Variants in PMEPA1 observed in about 807,000 individuals in gnomAD.
The protein encoded by PMEPA1 is protein TMEPAI.
A neutral mutation model predicts 23.0 loss-of-function variants in PMEPA1; 11 were observed. That is an observed-to-expected ratio of 0.48 (90% CI 0.30 to 0.79). The LOEUF is 0.79. Among genes scored for constraint, PMEPA1 ranks in the 30% least tolerant of loss-of-function variants. The pLI is 0.06. For missense variants in PMEPA1, 377 were observed against 390.9 expected (o/e 0.96, Z 0.30); for synonymous variants, 204 against 166.4 (o/e 1.23, Z -1.74).
chr20:57,699,958 A>G, intron 1 of PMEPA1: 1 of 456,436 alleles, frequency 2.2e-6, no homozygotes, highest in Middle Eastern at 3.3e-4. Flanking sequence ...TCATACATAA[A>G]ATACAAATGT....
chr20:57,710,268 C>T (rs1022729697), upstream of PMEPA1: 47 of 614,172 alleles, frequency 7.7e-5, no homozygotes, highest in African/African-American at 8.4e-4. Flanking sequence ...GGCGCACGCC[C>T]GGGGCCGGGG....
chr20:57,693,863 C>A lies in PMEPA1; in HGVS notation c.109+15611G>T, dbSNP rs1052215955. On this transcript the variant is annotated intron_variant, in intron 1 of 3. Transcript: ENST00000341744. ...CTTGTGAGGAGGTGTTGGGTGGTGACGGGGCACCAAGGAAGTACTCAGTGA... is the reference window on the plus strand; with the variant it reads ...CTTGTGAGGAGGTGTTGGGTGGTGAAGGGGCACCAAGGAAGTACTCAGTGA... 2.0e-5 allele frequency among the ~76,000 whole-genome samples: 3 copies of A among 152,286 alleles called. No homozygotes were observed. The South Asian group carries it at 6.2e-4, about 32-fold the overall frequency.
chr20:57,652,976 C>T lies in PMEPA1; in HGVS notation c.318+57G>A. 2.1e-6 allele frequency: 3 copies of T among 1,426,346 alleles called. No individual in the cohort carries two copies. Among genetic ancestry groups the T allele is most frequent in the African/African-American group, 1.4e-5 (1 of 71,334 alleles). The allele number at this position is 1,426,346 out of a possible 1,614,324, so 88.4% of individuals were successfully genotyped here. On this transcript the variant is annotated intron_variant, in intron 3 of 3. Coordinates refer to ENST00000341744, the MANE Select transcript of PMEPA1 (RefSeq NM_020182.5). The surrounding 1 kb of genome is among the most constrained non-coding windows in gnomAD (Gnocchi z 6.1). ...GCAGCCCACACTGTTCCAGCCGCAG[C>T]GGGAGCAGCCCAGGGTGGGATGGGG...
chr20:57,691,325 C>T (rs1306621317), intron 1 of PMEPA1, among the ~76,000 whole-genome samples: 3 of 152,220 alleles, frequency 2.0e-5, no homozygotes, highest in African/African-American at 7.2e-5. Context: ...GAGCCTCCTT[C>T]TCCCCAACTC....
Position 57,651,792 on chromosome 20 carries a change from T to G in PMEPA1, c.*261A>C, listed in dbSNP as rs966615049. 1.2e-5 allele frequency: 4 copies of G among 329,776 alleles called. No homozygotes were observed. Among genetic ancestry groups the G allele is most frequent in the African/African-American group, 6.3e-5 (3 of 47,290 alleles). The allele number at this position is 329,776 out of a possible 1,614,324, so 20.4% of individuals were successfully genotyped here. ...AACAAGAAAGACTACTGTAGAAATTTTTTTTCTTTTGCCTTCAAGACACAG... is the reference window on the plus strand; with the variant it reads ...AACAAGAAAGACTACTGTAGAAATTGTTTTTCTTTTGCCTTCAAGACACAG... On this transcript the variant is annotated 3_prime_UTR_variant, in exon 4 of 4. Coordinates refer to ENST00000341744, the MANE Select transcript of PMEPA1 (RefSeq NM_020182.5).
At chr20:57,665,307 C>T (rs958965816) in intron 1 of PMEPA1, among the ~76,000 whole-genome samples, 4 of 152,214 alleles carry the variant, frequency 2.6e-5, no homozygotes, top group African/African-American at 7.2e-5. Flanking sequence ...AGCCCAGAGC[C>T]GCCATATAGG....
chr20:57,656,455 G>A lies in PMEPA1; in HGVS notation c.264+3088C>T, dbSNP rs1281789205. On this transcript the variant is annotated intron_variant, in intron 2 of 3. Transcript: ENST00000341744. The surrounding 1 kb of genome is among the most constrained non-coding windows in gnomAD (Gnocchi z 4.7). ...CATCCAAGGCCTGAGTTCCTAGTCTGAGCAGGCCTTGGGCACAAAGACTGG... is the reference window on the plus strand; with the variant it reads ...CATCCAAGGCCTGAGTTCCTAGTCTAAGCAGGCCTTGGGCACAAAGACTGG... 6.6e-6 allele frequency among the ~76,000 whole-genome samples: 1 copy of A among 152,030 alleles called. No homozygotes were observed. Among genetic ancestry groups the A allele is most frequent in the Non-Finnish European group, 1.5e-5 (1 of 67,992 alleles).
At chr20:57,661,236 C>T (rs923533122) in intron 1 of PMEPA1, among the ~76,000 whole-genome samples, 46 of 152,222 alleles carry the variant, frequency 3.0e-4, no homozygotes, top group African/African-American at 1.0e-3. Flanking sequence ...CTGCCTGAGC[C>T]GGGCAGTTTC....
rs913847940 is a variant in PMEPA1 at position 57,682,988 on chromosome 20, A to G, written c.110-23291T>C. 6.6e-6 allele frequency among the ~76,000 whole-genome samples: 1 copy of G among 152,134 alleles called. No individual in the cohort carries two copies. The highest frequency in any genetic ancestry group is 6.5e-5 in the Admixed American group (1 of 15,278). ...CTTCTCCAACTCTTCAGAAAAGGAG[A>G]AGAAGAAGAAAAAAGAGTCCAAGCC... is the stretch of plus-strand genomic sequence containing the variant. On this transcript the variant is annotated intron_variant, in intron 1 of 3. Transcript: ENST00000341744. This position sits in a 1 kb window ranked among gnomAD's most constrained non-coding sequence, Gnocchi z 4.4.
intron 1 of PMEPA1, among the ~76,000 whole-genome samples, chr20:57,676,437 C>A (rs1164399145): frequency 3.3e-5 from 5 of 152,286 alleles, no homozygotes; most frequent in African/African-American, 1.2e-4. Flanking sequence ...GCATGCTGAC[C>A]GGGCAAGCAT....
At chr20:57,708,718 T>C (rs1007582077) in intron 1 of PMEPA1, among the ~76,000 whole-genome samples, 2 of 152,000 alleles carry the variant, frequency 1.3e-5, no homozygotes, top group African/African-American at 4.8e-5. Context: ...AGATCCACGC[T>C]GGGCCAGACG....
intron 1 of PMEPA1, among the ~76,000 whole-genome samples, chr20:57,685,194 G>A (rs570507190): frequency 1.3e-5 from 2 of 152,102 alleles, no homozygotes; most frequent in African/African-American, 4.8e-5. Flanking sequence ...GCTGCAAGCC[G>A]CAGTCACTCT....
At chr20:57,678,533 C>T (rs941209849) in intron 1 of PMEPA1, among the ~76,000 whole-genome samples, 2 of 152,124 alleles carry the variant, frequency 1.3e-5, no homozygotes, top group African/African-American at 2.4e-5. Flanking sequence ...GGGTAAGAGC[C>T]GAAACAGAAG....
rs1447259432 is a variant in PMEPA1, at chr20:57,704,291, C to A, written c.109+5183G>T. Among the ~76,000 whole-genome samples, 2 of 152,280 alleles carry A rather than the reference C, an allele frequency of 1.3e-5. No individual in the cohort carries two copies. The highest frequency in any genetic ancestry group is 3.9e-4 in the East Asian group (2 of 5,170). On this transcript the variant is annotated intron_variant, in intron 1 of 3. Coordinates refer to ENST00000341744, the MANE Select transcript of PMEPA1 (RefSeq NM_020182.5). This position sits in a 1 kb window ranked among gnomAD's most constrained non-coding sequence, Gnocchi z 4.6. ...GGTTCCCTGGAGCCCACCCCAAAGA[C>A]AACTGAGTTTGCTTCCCTGAACCAT...
In PMEPA1 at chr20:57,652,015, T is replaced by C. The variant is rs2071238427; in HGVS notation, c.*38A>G. On this transcript the variant is annotated 3_prime_UTR_variant, in exon 4 of 4. Coordinates refer to ENST00000341744, the MANE Select transcript of PMEPA1 (RefSeq NM_020182.5). The surrounding 1 kb of genome is among the most constrained non-coding windows in gnomAD (Gnocchi z 6.1). ...TAAGAAGCGCGGAGTGTTCTGCCTT[T>C]TCACCTACGCAGCCCCAGCCCGGCC... The C allele has an allele frequency of 1.4e-6, 2 of 1,442,124 alleles. No individual in the cohort carries two copies. The highest frequency in any genetic ancestry group is 2.5e-5 in the East Asian group (1 of 39,792). 89.3% of individuals were successfully genotyped at this position (1,442,124 alleles called of 1,614,324 possible).
At chr20:57,708,824 AG>A (rs1449100452) in intron 1 of PMEPA1, among the ~76,000 whole-genome samples, 1 of 152,138 alleles carries the variant, frequency 6.6e-6, no homozygotes, top group Non-Finnish European at 1.5e-5. Flanking sequence ...GACACGCTCA[AG>A]AAAGGCACCC....
Position 57,660,469 on chromosome 20 carries a change from A to AC in PMEPA1, c.110-773dup, listed in dbSNP as rs199627163. ...CCCCTAACACTCCTACACACAAAAC[A>AC]CCCCAACACTCCTACACACACAACA... On this transcript the variant is annotated intron_variant, in intron 1 of 3. Coordinates refer to ENST00000341744, the MANE Select transcript of PMEPA1 (RefSeq NM_020182.5). Among the ~76,000 whole-genome samples, 1,186 of 146,614 alleles carry AC rather than the reference A, an allele frequency of 8.1e-3. 17 individuals carry two copies. Among genetic ancestry groups the AC allele is most frequent in the African/African-American group, 0.024 (935 of 38,858 alleles).
At chr20:57,709,336 G>C (rs894645633) in intron 1 of PMEPA1, 138 bp downstream of exon 1, 7 of 461,694 alleles carry the variant, frequency 1.5e-5, no homozygotes, top group Admixed American at 6.6e-5. Flanking sequence ...CGCGCCCGGG[G>C]CGCGGCGGGC....
chr20:57,684,921 C>T (rs1000459858), intron 1 of PMEPA1, among the ~76,000 whole-genome samples: 13 of 151,854 alleles, frequency 8.6e-5, no homozygotes, highest in Admixed American at 7.9e-4. Context: ...TTTCCTTTTT[C>T]GATGATGGTA....
Sources: allele counts gnomAD v4.1 joint callset (sites outside exome capture counted in the v4.1 genomes callset), GRCh38; gene constraint gnomAD v4.1.1; non-coding constraint Gnocchi (gnomAD v3.1); transcripts MANE v1.5; gene names NCBI Gene and HGNC (gene_info 2026-07-23, HGNC 2026-07-21).